Variants in CAST observed in about 807,000 individuals in gnomAD.
CAST encodes MIR583 host.
A neutral mutation model predicts 119.6 loss-of-function variants in CAST; 76 were observed. The ratio of observed to expected loss-of-function variants is 0.64; its 90% confidence interval spans 0.53 to 0.77. CAST has a LOEUF of 0.77. Ranked by LOEUF, CAST falls within the 30% of genes least tolerant of loss-of-function variation. The pLI, the probability that CAST is intolerant of heterozygous loss-of-function variation, is 0.00. For missense variants in CAST, 953 were observed against 946.5 expected, an observed-to-expected ratio of 1.01 and a Z score of -0.09; for synonymous variants, 319 against 331.6, an observed-to-expected ratio of 0.96 and a Z score of 0.41.
chr5:96,612,092 G>A (rs1366603182), intron 1 of CAST, among the ~76,000 whole-genome samples: 1 of 152,138 alleles, frequency 6.6e-6, no homozygotes, highest in African/African-American at 2.4e-5. Context: ...CCATTACCAT[G>A]TGTCTATCCG....
intron 1 of CAST, among the ~76,000 whole-genome samples, chr5:96,633,573 C>G (rs1747848616): frequency 6.6e-6 from 1 of 152,182 alleles, no homozygotes; most frequent in African/African-American, 2.4e-5. Context: ...ATTGACAACT[C>G]CATTCAATGT....
At chr5:96,344,391 T>G in the CAST span, among the ~76,000 whole-genome samples, 1 of 152,170 alleles carries the variant, frequency 6.6e-6, no homozygotes, top group African/African-American at 2.4e-5. Flanking sequence ...ATGGTTATAT[T>G]TTTTAAGTGG....
At chr5:96,066,444 C>T in the CAST span, among the ~76,000 whole-genome samples, 1 of 150,502 alleles carries the variant, frequency 6.6e-6, no homozygotes, top group Non-Finnish European at 1.5e-5. Flanking sequence ...CTATTTCTTT[C>T]CATTTTTAAG....
At chr5:96,711,923 T>C (rs1756245633) in intron 3 of CAST, among the ~76,000 whole-genome samples, 1 of 152,196 alleles carries the variant, frequency 6.6e-6, no homozygotes, top group South Asian at 2.1e-4. Context: ...ACATTTGATA[T>C]GGGCAGTAGA....
At chr5:96,746,290 C>A in intron 16 of CAST, 52 bp from the exon 17 acceptor site, 1 of 985,356 alleles carries the variant, frequency 1.0e-6, no homozygotes, top group Non-Finnish European at 1.6e-6. Context: ...GTGATATCAT[C>A]TCATTATGTG....
chr5:96,193,064 A>G, the CAST span, among the ~76,000 whole-genome samples: 1 of 152,344 alleles, frequency 6.6e-6, no homozygotes, highest in South Asian at 2.1e-4. Flanking sequence ...ATAAAAATTA[A>G]TACATGCGTT....
At chr5:96,520,071 G>A in the CAST span, among the ~76,000 whole-genome samples, 742 of 152,302 alleles carry the variant, frequency 4.9e-3, 9 homozygotes, top group Non-Finnish European at 4.9e-3. Flanking sequence ...GCACCCTGAT[G>A]TCCAAGATCC....
chr5:96,298,863 G>C, the CAST span, among the ~76,000 whole-genome samples: 20 of 126,190 alleles, frequency 1.6e-4, no homozygotes, highest in African/African-American at 6.0e-4. Flanking sequence ...AAGCTCTCAG[G>C]ACCCTAAATT....
the CAST span, among the ~76,000 whole-genome samples, chr5:96,406,701 A>G: frequency 4.6e-5 from 7 of 152,248 alleles, no homozygotes; most frequent in African/African-American, 1.4e-4. Context: ...CCTTTCTGTT[A>G]TTACGAACTG....
chr5:96,536,195 T>C (rs1448150960), intron 1 of CAST, among the ~76,000 whole-genome samples: 7 of 151,772 alleles, frequency 4.6e-5, no homozygotes, highest in African/African-American at 1.5e-4. Flanking sequence ...CCATCTCTGC[T>C]AAAAATACAA....
At chr5:96,103,462 G>T in the CAST span, among the ~76,000 whole-genome samples, 1 of 149,054 alleles carries the variant, frequency 6.7e-6, no homozygotes, top group Admixed American at 6.7e-5. Flanking sequence ...TGGTTTTTTT[G>T]TTCTTGCGAT....
chr5:96,358,796 A>G, the CAST span, among the ~76,000 whole-genome samples: 4 of 152,168 alleles, frequency 2.6e-5, no homozygotes, highest in Non-Finnish European at 4.4e-5. Context: ...GCTGACAAGA[A>G]TATATATTCT....
the CAST span, among the ~76,000 whole-genome samples, chr5:96,242,029 A>C: frequency 6.9e-6 from 1 of 144,326 alleles, no homozygotes; most frequent in Non-Finnish European, 1.5e-5. Context: ...GTTCACTCTG[A>C]TGGTAGTTTC....
the CAST span, among the ~76,000 whole-genome samples, chr5:96,470,821 G>C: frequency 6.6e-6 from 1 of 152,060 alleles, no homozygotes. Flanking sequence ...TACCTTAAGA[G>C]TCACTGGTGT....
At chr5:96,658,422 T>C (rs1748194031), upstream of CAST, among the ~76,000 whole-genome samples, 1 of 152,168 alleles carries the variant, frequency 6.6e-6, no homozygotes, top group African/African-American at 2.4e-5. Context: ...AGCTCAGGTA[T>C]GTGGGTCTGG....
intron 24 of CAST, chr5:96,761,619 T>C (rs915466179): frequency 6.6e-6 from 1 of 152,310 alleles, no homozygotes; most frequent in Non-Finnish European, 1.5e-5. Flanking sequence ...TCAACAGTTA[T>C]ACCTAAGTTT....
the CAST span, among the ~76,000 whole-genome samples, chr5:96,021,653 A>G: frequency 2.6e-5 from 4 of 152,032 alleles, no homozygotes; most frequent in Non-Finnish European, 5.9e-5. Context: ...TCACTGTGTT[A>G]GCCAGGATGG....
the CAST span, among the ~76,000 whole-genome samples, chr5:96,001,296 T>G: frequency 1.3e-5 from 2 of 152,330 alleles, no homozygotes; most frequent in East Asian, 3.9e-4. Flanking sequence ...TTGCATATTT[T>G]GTGCTAGTTA....
At chr5:96,541,161 A>G (rs1224656614) in intron 1 of CAST, among the ~76,000 whole-genome samples, 1 of 152,202 alleles carries the variant, frequency 6.6e-6, no homozygotes, top group Non-Finnish European at 1.5e-5. Context: ...TAATTAATTT[A>G]TGAAATCGTT....
Sources: allele counts gnomAD v4.1 joint callset (sites outside exome capture counted in the v4.1 genomes callset), GRCh38; gene constraint gnomAD v4.1.1; transcripts MANE v1.5; gene names NCBI Gene and HGNC (gene_info 2026-07-23, HGNC 2026-07-21).